The following PRSS55 variants were observed in gnomAD, a reference collection of about 807,000 sequenced individuals.
PRSS55 encodes the protein probable serine protease UNQ9391/PRO34284.
In PRSS55, 41 loss-of-function variants were observed where a neutral mutation model predicts 23.6. That is an observed-to-expected ratio of 1.74 (90% CI 1.35 to 2.26). The LOEUF is 2.26. Among genes scored for constraint, PRSS55 ranks in the 30% most tolerant of loss-of-function variants. The probability of loss-of-function intolerance (pLI) is 0.00; values close to 1 mark genes in which losing one functional copy is unlikely to be tolerated. For missense variants in PRSS55, 669 were observed against 439.1 expected (o/e 1.52, Z -4.68); for synonymous variants, 262 against 175.5 (o/e 1.49, Z -3.90).
At position 10,529,664 on chromosome 8, in the gene PRSS55, C is replaced by T. The variant is rs776308871; in HGVS notation, c.312C>T (p.Leu104=). 3.1e-6 allele frequency: 5 copies of T among 1,614,062 alleles called. No individual in the cohort carries two copies. The highest frequency in any genetic ancestry group is 8.5e-7 in the Non-Finnish European group (1 of 1,180,026). Residue 104 remains leucine (L), a synonymous_variant, in exon 2 of 5, where the codon CTC becomes CTT. Coordinates refer to ENST00000328655, the MANE Select transcript of PRSS55 (RefSeq NM_198464.4). ...CCATCCTCAACAAGTGGTGGATTCT[C>T]ACTGCGGCTCACTGCTTATATTCCG... ...GGSILNKWWI[L]TAAHCLYSEE... is the part of the protein sequence containing the mutation.
rs1812276126 is a variant in PRSS55, at chr8:10,531,774, G to A, written c.598+229G>A. 7 of 576,750 alleles carry A rather than the reference G, an allele frequency of 1.2e-5. No individual in the cohort carries two copies. In the Admixed American group the frequency reaches 1.6e-4, roughly 13 times the overall value. 35.7% of individuals were successfully genotyped at this position (576,750 alleles called of 1,614,324 possible). On this transcript the variant is annotated intron_variant, in intron 3 of 4. Transcript: ENST00000328655. ...TCTGATCCAGCTAGCACAGAGCAGT[G>A]TGGTTTGTGTGTTTAACTGAATTTA...
intron 4 of PRSS55, among the ~76,000 whole-genome samples, chr8:10,545,793 A>G (rs1375647500): frequency 1.3e-5 from 2 of 152,242 alleles, no homozygotes; most frequent in Non-Finnish European, 2.9e-5. Flanking sequence ...GTCCTAGCCC[A>G]GAATAGCTTA....
rs558630113 is a variant in PRSS55 at position 10,550,063 on chromosome 8, TGC to T, written c.742-3875_742-3874del. 3.7e-4 allele frequency among the ~76,000 whole-genome samples: 57 copies of T among 152,158 alleles called. No homozygotes were observed. The East Asian group carries it at 0.011, about 29-fold the overall frequency. ...GCCTCCCAAGTAGCTGAACTACAGG[TGC>T]GCGCCACCATGCCCTGCTAATTTTT... On this transcript the variant is annotated intron_variant, in intron 4 of 4. Coordinates refer to the PRSS55 transcript ENST00000522210.
chr8:10,551,513 C>G (rs1409239661), intron 4 of PRSS55, among the ~76,000 whole-genome samples: 1 of 152,184 alleles, frequency 6.6e-6, no homozygotes. Flanking sequence ...GAGGCATGAA[C>G]TGAGGACACA....
chr8:10,551,140 C>T (rs138315430), intron 4 of PRSS55, among the ~76,000 whole-genome samples: 1 of 152,304 alleles, frequency 6.6e-6, no homozygotes, highest in Non-Finnish European at 1.5e-5. Context: ...GGAAGGATAT[C>T]CTTTAAAAGC....
intron 1 of PRSS55, among the ~76,000 whole-genome samples, chr8:10,528,808 G>A (rs1328601208): frequency 2.0e-5 from 3 of 152,218 alleles, no homozygotes; most frequent in African/African-American, 2.4e-5. Context: ...GCAGGTCTGC[G>A]TTCCTACTGG....
chr8:10,540,772 C>G (rs1420898810), downstream of PRSS55: 2 of 152,150 alleles, frequency 1.3e-5, no homozygotes, highest in African/African-American at 2.4e-5. Context: ...CACTCTAACC[C>G]TACTCCTCCA....
chr8:10,528,838 T>C (rs1812135284), intron 1 of PRSS55, among the ~76,000 whole-genome samples: 1 of 152,238 alleles, frequency 6.6e-6, no homozygotes. Context: ...GGGAAAATTA[T>C]TTGCCTTTCC....
intron 4 of PRSS55, among the ~76,000 whole-genome samples, chr8:10,535,166 T>A (rs977559611): frequency 6.6e-6 from 1 of 152,178 alleles, no homozygotes; most frequent in Non-Finnish European, 1.5e-5. Flanking sequence ...GATTCAATAC[T>A]ATCCCTATCA....
Position 10,529,599 on chromosome 8 carries a change from G to T in PRSS55, c.247G>T (p.Val83Leu), listed in dbSNP as rs148423273. ...EAEVGEFPWQ[V>L]SIQARSEPFC... ...GGAGGTGGGTGAGTTTCCGTGGCAG[G>T]TGAGTATTCAGGCAAGAAGTGAACC... Residue 83 changes from valine (V) to leucine (L), a missense_variant, in exon 2 of 5, where the codon GTG (valine) becomes TTG (leucine). Coordinates refer to ENST00000328655, the MANE Select transcript of PRSS55 (RefSeq NM_198464.4). The T allele has an allele frequency of 6.2e-7, 1 of 1,614,204 alleles. No individual in the cohort carries two copies. Among genetic ancestry groups the T allele is most frequent in the Non-Finnish European group, 8.5e-7 (1 of 1,180,028 alleles).
At chr8:10,548,167 C>CT (rs1812864639) in intron 4 of PRSS55, among the ~76,000 whole-genome samples, 1 of 152,102 alleles carries the variant, frequency 6.6e-6, no homozygotes, top group Admixed American at 6.5e-5. Flanking sequence ...CTGGGGCGGG[C>CT]TTTGGAGAGG....
chr8:10,534,912 T>C (rs941973197), intron 4 of PRSS55, among the ~76,000 whole-genome samples: 2 of 152,172 alleles, frequency 1.3e-5, no homozygotes, highest in African/African-American at 4.8e-5. Flanking sequence ...GACATTTATA[T>C]ACACCAGACA....
chr8:10,532,982 G>A lies in PRSS55; in HGVS notation c.675G>A (p.Met225Ile). The A allele has an allele frequency of 6.2e-7, 1 of 1,614,218 alleles. No individual in the cohort carries two copies. The highest frequency in any genetic ancestry group is 8.5e-7 in the Non-Finnish European group (1 of 1,180,042). The change falls in exon 4 of 5, where the codon ATG (methionine) becomes ATA (isoleucine). Residue 225 changes from methionine to isoleucine, a missense_variant. By Grantham distance (10) the Met-to-Ile change is conservative. Coordinates refer to ENST00000328655, the MANE Select transcript of PRSS55 (RefSeq NM_198464.4). ...VIMDWEECSKMFPKLTKNMLC... is the reference protein window; with the variant it reads ...VIMDWEECSKIFPKLTKNMLC... ...TGGACTGGGAGGAGTGTTCAAAGAT[G>A]TTTCCAAAACTTACCAAAAATATGC...
chr8:10,528,177 C>T (rs1479035600), intron 1 of PRSS55, among the ~76,000 whole-genome samples: 2 of 139,468 alleles, frequency 1.4e-5, no homozygotes, highest in African/African-American at 5.4e-5. Context: ...CCAGCCTGGG[C>T]GATAGAGCAA....
At chr8:10,533,462 C>G (rs4840489) in intron 4 of PRSS55, among the ~76,000 whole-genome samples, 9 of 152,016 alleles carry the variant, frequency 5.9e-5, no homozygotes, top group Admixed American at 1.3e-4. Flanking sequence ...ACCTAAGGGA[C>G]CCTACAGTTT....
At chr8:10,537,119 C>A (rs926287556) in intron 4 of PRSS55, among the ~76,000 whole-genome samples, 1 of 152,244 alleles carries the variant, frequency 6.6e-6, no homozygotes, top group Non-Finnish European at 1.5e-5. Context: ...AGCAACCCCA[C>A]TTCTGGGTAT....
chr8:10,529,214 G>A (rs561506024), intron 1 of PRSS55, among the ~76,000 whole-genome samples: 3 of 152,236 alleles, frequency 2.0e-5, no homozygotes, highest in South Asian at 2.1e-4. Context: ...TCTCCTGGAC[G>A]AGAGCAGAAA....
chr8:10,539,866 C>G (rs1166887221), downstream of PRSS55, among the ~76,000 whole-genome samples: 1 of 152,212 alleles, frequency 6.6e-6, no homozygotes, highest in Admixed American at 6.5e-5. Context: ...AACGGACTAA[C>G]ACACCCACTT....
Position 10,548,413 on chromosome 8 carries a change from C to A in PRSS55, c.742-5530C>A, listed in dbSNP as rs369135788. Among the ~76,000 whole-genome samples, 127 of 152,228 alleles carry A rather than the reference C, an allele frequency of 8.3e-4. No homozygotes were observed. In the South Asian group the frequency reaches 0.025, roughly 30 times the overall value. ...GGAGCCTTCCAGGAGAGGCTTGTCC[C>A]CACCCTCCCGGTGGCTGCCACCCTG... On this transcript the variant is annotated intron_variant, in intron 4 of 4. Transcript: ENST00000522210.
Sources: allele counts gnomAD v4.1 joint callset (sites outside exome capture counted in the v4.1 genomes callset), GRCh38; gene constraint gnomAD v4.1.1; transcripts MANE v1.5; gene names NCBI Gene and HGNC (gene_info 2026-07-23, HGNC 2026-07-21).